Variants in TSPAN31 observed in about 807,000 individuals in gnomAD.
TSPAN31 encodes tetraspanin-31.
TSPAN31 carries 16 observed loss-of-function variants against 24.8 expected under a neutral mutation model. That is an observed-to-expected ratio of 0.64 (90% confidence interval 0.44 to 0.98). TSPAN31 has a LOEUF of 0.98. Ranked by LOEUF, TSPAN31 falls within the 50% of genes least tolerant of loss-of-function variation. The probability of loss-of-function intolerance (pLI) is 0.00; values close to 1 mark genes in which losing one functional copy is unlikely to be tolerated. For missense variants in TSPAN31, 209 were observed against 251.6 expected (o/e 0.83, Z 1.15); for synonymous variants, 87 against 91.4 (o/e 0.95, Z 0.27).
rs1487727732 is a variant in TSPAN31 at position 57,749,188 on chromosome 12, C to T, written c.*1898C>T. 2.2e-5 allele frequency: 36 copies of T among 1,613,918 alleles called. No homozygotes were observed. In the Admixed American group the frequency reaches 4.8e-4, roughly 22 times the overall value. ...CCACAGCCATCTCCAGTACCAGCAG[C>T]AGCTGTGCTCCCGACTCCTCCATCT... On this transcript the variant is annotated 3_prime_UTR_variant, in exon 6 of 6. Coordinates refer to ENST00000257910, the MANE Select transcript of TSPAN31 (RefSeq NM_005981.5).
chr12:57,745,060 T>C lies in TSPAN31; in HGVS notation c.-95T>C, dbSNP rs1955129867. 2.4e-6 allele frequency: 3 copies of C among 1,247,442 alleles called. No individual in the cohort carries two copies. Among genetic ancestry groups the C allele is most frequent in the South Asian group, 1.3e-5 (1 of 77,440 alleles). The allele number at this position is 1,247,442 out of a possible 1,614,324, so 77.3% of individuals were successfully genotyped here. A position where few individuals can be genotyped will look rare whatever the true frequency, so the allele number is the denominator to read the frequency against. On this transcript the variant is annotated 5_prime_UTR_variant, in exon 1 of 6. Coordinates refer to ENST00000257910, the MANE Select transcript of TSPAN31 (RefSeq NM_005981.5). ...GAGTATTGGGTTTGGCTGGCCTCGA[T>C]TTAAAGAGACAGAAGCTGTCGGGGT...
intron 3 of TSPAN31, 42 bp from the exon 4 acceptor site, chr12:57,746,547 G>A (rs1387412238): frequency 6.2e-7 from 1 of 1,612,884 alleles, no homozygotes; most frequent in South Asian, 1.1e-5. Context: ...ACTGATAACA[G>A]GATGTAGGGA....
At position 57,750,166 on chromosome 12, in the gene TSPAN31, A is replaced by G. The variant is rs1282958142; in HGVS notation, c.*2876A>G. The G allele has an allele frequency of 1.3e-5, 1 of 76,612 alleles. No individual in the cohort carries two copies. The highest frequency in any genetic ancestry group is 8.1e-4 in the South Asian group (1 of 1,234). 4.7% of individuals were successfully genotyped at this position (76,612 alleles called of 1,614,324 possible). A position where few individuals can be genotyped will look rare whatever the true frequency, so the allele number is the denominator to read the frequency against. On this transcript the variant is annotated 3_prime_UTR_variant, in exon 6 of 6. Transcript: ENST00000257910. Reference sequence around the variant, plus strand: ...GAAACCTTATCTCAATAAATAAATAAATAAATAAATAAATAAATAAATAAA... The same window carrying G: ...GAAACCTTATCTCAATAAATAAATAGATAAATAAATAAATAAATAAATAAA...
intron 5 of TSPAN31, 27 bp downstream of exon 5, chr12:57,747,158 C>T (rs911284754): frequency 3.1e-6 from 5 of 1,611,662 alleles, no homozygotes; most frequent in Non-Finnish European, 4.2e-6. Context: ...CCCTCACACA[C>T]ATCCTTTTTG....
At position 57,747,117 on chromosome 12, in the gene TSPAN31, T is replaced by G. The variant is rs1327846044; in HGVS notation, c.544T>G (p.Phe182Val). 1.2e-6 allele frequency: 2 copies of G among 1,614,168 alleles called. No individual in the cohort carries two copies. Among genetic ancestry groups the G allele is most frequent in the South Asian group, 2.2e-5 (2 of 91,088 alleles). Residue 182 changes from phenylalanine (F) to valine (V), a missense_variant, in exon 5 of 6, where the codon TTT becomes GTT. Physicochemically the swap from Phe to Val is conservative, Grantham distance 50 (BLOSUM62 -1). Transcript: ENST00000257910. ...LKILGGVGLF[F>V]SFTEILGVWL... ...AATCCTAGGGGGTGTTGGACTCTTC[T>G]TTAGCTTTACAGAGGTAACATTCTC...
chr12:57,746,520 G>T, intron 3 of TSPAN31, 69 bp from the exon 4 acceptor site: 1 of 1,595,012 alleles, frequency 6.3e-7, no homozygotes, highest in South Asian at 1.1e-5. Flanking sequence ...CTGGGCTAGG[G>T]AAATTGAGGC....
chr12:57,748,461 G>C lies in TSPAN31; in HGVS notation c.*1171G>C. ...AGCCTCAGAGATAAAGGCAAAGATT[G>C]CCCTCTCAGTGTCCAGAAGGGAAAT... On this transcript the variant is annotated 3_prime_UTR_variant, in exon 6 of 6. Coordinates refer to ENST00000257910, the MANE Select transcript of TSPAN31 (RefSeq NM_005981.5). 1 of 1,149,686 alleles carries C rather than the reference G, an allele frequency of 8.7e-7. No homozygotes were observed. The highest frequency in any genetic ancestry group is 1.3e-6 in the Non-Finnish European group (1 of 758,708). 71.2% of individuals were successfully genotyped at this position (1,149,686 alleles called of 1,614,324 possible). A position where few individuals can be genotyped will look rare whatever the true frequency, so the allele number is the denominator to read the frequency against.
In TSPAN31 at chr12:57,748,850, C is replaced by T. The variant is rs766068465; in HGVS notation, c.*1560C>T. 20 of 554,300 alleles carry T rather than the reference C, an allele frequency of 3.6e-5. No homozygotes were observed. Among genetic ancestry groups the T allele is most frequent in the Non-Finnish European group, 5.5e-5 (17 of 310,988 alleles). The allele number at this position is 554,300 out of a possible 1,614,324, so 34.3% of individuals were successfully genotyped here. ...CCTCCCAAGTAGCTGAGATTACAGG[C>T]GTGTGCCACCACCCCCGGCTTATTT... On this transcript the variant is annotated 3_prime_UTR_variant, in exon 6 of 6. Transcript: ENST00000257910.
Position 57,747,354 on chromosome 12 carries a change from T to C in TSPAN31, c.*64T>C, listed in dbSNP as rs888142192. On this transcript the variant is annotated 3_prime_UTR_variant, in exon 6 of 6. Coordinates refer to ENST00000257910, the MANE Select transcript of TSPAN31 (RefSeq NM_005981.5). ...AGCTTTCTCTTCCTCCCTTAGGGAATATCTAGGGTCTGTAACCGTTTTGGT... is the reference window on the plus strand; with the variant it reads ...AGCTTTCTCTTCCTCCCTTAGGGAACATCTAGGGTCTGTAACCGTTTTGGT... 6.1e-6 allele frequency: 9 copies of C among 1,477,770 alleles called. No individual in the cohort carries two copies. The African/African-American group carries it at 9.7e-5, about 16-fold the overall frequency. 91.5% of individuals were successfully genotyped at this position (1,477,770 alleles called of 1,614,324 possible).
chr12:57,746,815 TTC>T lies in TSPAN31; in HGVS notation c.444+103_444+104del, dbSNP rs138437873. 2,410 of 1,565,666 alleles carry T rather than the reference TTC, an allele frequency of 1.5e-3. 3 individuals are homozygous for T. The highest frequency in any genetic ancestry group is 3.0e-3 in the Admixed American group (177 of 58,634). On this transcript the variant is annotated intron_variant, in intron 4 of 5. Coordinates refer to ENST00000257910, the MANE Select transcript of TSPAN31 (RefSeq NM_005981.5). ...GCAAATTTAGTTTGAATGTCATTGTTTCTCTCTCTACAAGCCCTCTTGTATTG... is the reference window on the plus strand; with the variant it reads ...GCAAATTTAGTTTGAATGTCATTGTTTCTCTCTACAAGCCCTCTTGTATTG...
Position 57,745,867 on chromosome 12 carries a change from T to G in TSPAN31, c.186T>G (p.Ala62=). 1 of 1,613,574 alleles carries G rather than the reference T, an allele frequency of 6.2e-7. No individual in the cohort carries two copies. Among genetic ancestry groups the G allele is most frequent in the African/African-American group, 1.3e-5 (1 of 74,996 alleles). ...VGVFLLLIAV[A]GLVGAVNHHQ... ...TCTTCCTTCTCCTTATTGCAGTGGC[T>G]GGACTGGTGGGTGCTGTCAACCACC... is the stretch of plus-strand genomic sequence containing the variant. The change falls in exon 2 of 6, where the codon GCT becomes GCG. Residue 62 remains alanine (A), a synonymous_variant. Coordinates refer to ENST00000257910, the MANE Select transcript of TSPAN31 (RefSeq NM_005981.5).
In TSPAN31 at chr12:57,745,143, A is replaced by G; in HGVS notation, c.-12A>G. The G allele has an allele frequency of 6.3e-7, 1 of 1,598,276 alleles. No homozygotes were observed. Among genetic ancestry groups the G allele is most frequent in the Non-Finnish European group, 8.5e-7 (1 of 1,171,768 alleles). ...AGTCCTTGGGACCACTTGGGTCCCC[A>G]GAGCTGGGGAGATGGTTTGTGGCGG... On this transcript the variant is annotated 5_prime_UTR_variant, in exon 1 of 6. Transcript: ENST00000257910.
At position 57,747,322 on chromosome 12, in the gene TSPAN31, CTCTCTAAGCTT is replaced by C. The variant is rs1323390724; in HGVS notation, c.*38_*48del. ...GGATCCTTCTGACTTTTCTTCTGCT[CTCTCTAAGCTT>C]TCTCTTCCTCCCTTAGGGAATATCT... On this transcript the variant is annotated 3_prime_UTR_variant, in exon 6 of 6. Transcript: ENST00000257910. The C allele has an allele frequency of 6.3e-7, 1 of 1,596,878 alleles. No individual in the cohort carries two copies. Among genetic ancestry groups the C allele is most frequent in the Non-Finnish European group, 8.6e-7 (1 of 1,165,230 alleles).
chr12:57,749,108 A>C lies in TSPAN31; in HGVS notation c.*1818A>C. ...CCAAGTTTCATTAACCACAGTGGCC[A>C]GGGCCCTGCATACTGCTCTATTTCT... On this transcript the variant is annotated 3_prime_UTR_variant, in exon 6 of 6. Coordinates refer to ENST00000257910, the MANE Select transcript of TSPAN31 (RefSeq NM_005981.5). 357 of 1,485,454 alleles carry C rather than the reference A, an allele frequency of 2.4e-4. No homozygotes were observed. Among genetic ancestry groups the C allele is most frequent in the Middle Eastern group, 3.5e-4 (2 of 5,772 alleles). 92.0% of individuals were successfully genotyped at this position (1,485,454 alleles called of 1,614,324 possible). A position where few individuals can be genotyped will look rare whatever the true frequency, so the allele number is the denominator to read the frequency against.
In TSPAN31 at chr12:57,747,361, G is replaced by A. The variant is rs1410260608; in HGVS notation, c.*71G>A. On this transcript the variant is annotated 3_prime_UTR_variant, in exon 6 of 6. Transcript: ENST00000257910. ...TCTTCCTCCCTTAGGGAATATCTAGGGTCTGTAACCGTTTTGGTTTGAGAA... is the reference window on the plus strand; with the variant it reads ...TCTTCCTCCCTTAGGGAATATCTAGAGTCTGTAACCGTTTTGGTTTGAGAA... 5.6e-6 allele frequency: 8 copies of A among 1,440,332 alleles called. No homozygotes were observed. The highest frequency in any genetic ancestry group is 7.7e-6 in the Non-Finnish European group (8 of 1,039,008). 89.2% of individuals were successfully genotyped at this position (1,440,332 alleles called of 1,614,324 possible).
At chr12:57,746,398 C>T (rs928656527) in intron 3 of TSPAN31, 142 bp downstream of exon 3, 1 of 1,116,546 alleles carries the variant, frequency 9.0e-7, no homozygotes, top group South Asian at 1.3e-5. Flanking sequence ...TTTGCTTCCT[C>T]TGGGATGTCT....
rs3211629 is a variant in TSPAN31, at chr12:57,748,742, A to G, written c.*1452A>G. 1.3e-3 allele frequency: 869 copies of G among 690,780 alleles called. No homozygotes were observed. The highest frequency in any genetic ancestry group is 1.8e-3 in the African/African-American group (97 of 53,158). The allele number at this position is 690,780 out of a possible 1,614,324, so 42.8% of individuals were successfully genotyped here. A position where few individuals can be genotyped will look rare whatever the true frequency, so the allele number is the denominator to read the frequency against. ...TTTTTTTGAGACGGAGTCTCGCTCT[A>G]TCACCCAGGCTGGAGTGCAATGGTA... On this transcript the variant is annotated 3_prime_UTR_variant, in exon 6 of 6. Coordinates refer to ENST00000257910, the MANE Select transcript of TSPAN31 (RefSeq NM_005981.5).
At chr12:57,745,498 A>T in intron 1 of TSPAN31, 1 of 615,550 alleles carries the variant, frequency 1.6e-6, no homozygotes, top group Non-Finnish European at 2.8e-6. Context: ...AAGTGATAGG[A>T]TGATCCTGAG....
Position 57,749,322 on chromosome 12 carries a change from G to A in TSPAN31, c.*2032G>A, listed in dbSNP as rs765361338. Reference sequence around the variant, plus strand: ...TCTGGAGGCAGCCCAATCAGGCTGTGGGGGACAGGAGAACTCTGGTCAGGA... The same window carrying A: ...TCTGGAGGCAGCCCAATCAGGCTGTAGGGGACAGGAGAACTCTGGTCAGGA... On this transcript the variant is annotated 3_prime_UTR_variant, in exon 6 of 6. Transcript: ENST00000257910. The A allele has an allele frequency of 9.9e-6, 16 of 1,614,058 alleles. No individual in the cohort carries two copies. Among genetic ancestry groups the A allele is most frequent in the African/African-American group, 1.3e-5 (1 of 74,938 alleles).
Sources: gnomAD v4.1 joint callset for allele counts on GRCh38, gnomAD v4.1.1 for gene constraint, MANE v1.5 for transcripts, NCBI Gene and HGNC (gene_info 2026-07-23, HGNC 2026-07-21) for gene names.